The following SCRG1 variants were observed in gnomAD, a reference collection of about 807,000 sequenced individuals.
SCRG1 encodes the protein scrapie-responsive protein 1.
SCRG1 carries 3 observed loss-of-function variants against 7.7 expected under a neutral mutation model. That is an observed-to-expected ratio of 0.39 (90% CI 0.18 to 1.01). The LOEUF (loss-of-function observed/expected upper bound fraction) is 1.01. SCRG1 is among the 50% of genes least tolerant of loss of function. SCRG1 has a pLI of 0.36. For missense variants in SCRG1, 110 were observed against 117.2 expected (o/e 0.94, Z 0.28); for synonymous variants, 46 against 41.2 (o/e 1.12, Z -0.44).
chr4:173,467,024 T>G, the SCRG1 span, among the ~76,000 whole-genome samples: 1 of 152,232 alleles, frequency 6.6e-6, no homozygotes, highest in East Asian at 1.9e-4. Flanking sequence ...TCTTCCAAAT[T>G]TGGACCTAAT....
At chr4:173,398,962 T>C (rs1270351339) in intron 1 of SCRG1, 106 bp downstream of exon 1, 1 of 152,272 alleles carries the variant, frequency 6.6e-6, no homozygotes. Flanking sequence ...TCTCTGTCTT[T>C]CTCTTCTGAC....
At chr4:173,421,049 T>G in the SCRG1 span, among the ~76,000 whole-genome samples, 198 of 152,270 alleles carry the variant, frequency 1.3e-3, 2 homozygotes, top group Admixed American at 8.5e-3. Context: ...TGAGTGTGGT[T>G]TATTCTCTCT....
the SCRG1 span, among the ~76,000 whole-genome samples, chr4:173,497,834 C>G: frequency 6.6e-6 from 1 of 151,868 alleles, no homozygotes; most frequent in South Asian, 2.1e-4. Flanking sequence ...CCACGCCCGG[C>G]TAGTTTTCTT....
rs373201653 is a variant in SCRG1, at chr4:173,394,974, AT to A, written c.-14-3547del. Among the ~76,000 whole-genome samples, 205 of 152,312 alleles carry A rather than the reference AT, an allele frequency of 1.3e-3. 5 individuals carry two copies. The highest frequency in any genetic ancestry group is 4.8e-3 in the African/African-American group (200 of 41,572). On this transcript the variant is annotated intron_variant, in intron 1 of 2. Coordinates refer to ENST00000296506, the MANE Select transcript of SCRG1 (RefSeq NM_007281.4). ...TTGTTGCATTTAACAATAAAGATGTATAGAGTATTTCCTTATAATTAAAAAG... is the reference window on the plus strand; with the variant it reads ...TTGTTGCATTTAACAATAAAGATGTAAGAGTATTTCCTTATAATTAAAAAG...
the SCRG1 span, among the ~76,000 whole-genome samples, chr4:173,460,066 C>G: frequency 6.6e-6 from 1 of 152,216 alleles, no homozygotes; most frequent in Non-Finnish European, 1.5e-5. Context: ...CGCCACCGCC[C>G]TGCAAGGACA....
chr4:173,470,523 G>A, the SCRG1 span, among the ~76,000 whole-genome samples: 2 of 152,148 alleles, frequency 1.3e-5, no homozygotes, highest in Admixed American at 6.5e-5. Flanking sequence ...AAATAACGAA[G>A]ACCCAAATTG....
At position 173,397,197 on chromosome 4, in the gene SCRG1, C is replaced by T. The variant is rs1434532785; in HGVS notation, c.-15+1871G>A. ...GGAAAAATTTCTGACCCAGTGTGTTCCTGGGATACATTGGTTGTTGTTTCA... is the reference window on the plus strand; with the variant it reads ...GGAAAAATTTCTGACCCAGTGTGTTTCTGGGATACATTGGTTGTTGTTTCA... On this transcript the variant is annotated intron_variant, in intron 1 of 2. Coordinates refer to ENST00000296506, the MANE Select transcript of SCRG1 (RefSeq NM_007281.4). Among the ~76,000 whole-genome samples the T allele has an allele frequency of 3.3e-5, 5 of 152,266 alleles. No individual in the cohort carries two copies. In the South Asian group the frequency reaches 1.0e-3, roughly 32 times the overall value.
At chr4:173,484,943 T>A in the SCRG1 span, among the ~76,000 whole-genome samples, 105 of 45,738 alleles carry the variant, frequency 2.3e-3, 16 homozygotes, top group African/African-American at 7.9e-3. Context: ...ATATTATATA[T>A]TATATATAAT....
the SCRG1 span, chr4:173,446,823 T>TA: frequency 6.6e-6 from 1 of 152,230 alleles, no homozygotes; most frequent in Non-Finnish European, 1.5e-5. Context: ...TTATTTGTGT[T>TA]ATGAGCTTAA....
the SCRG1 span, among the ~76,000 whole-genome samples, chr4:173,499,996 C>T: frequency 6.6e-6 from 1 of 152,178 alleles, no homozygotes; most frequent in African/African-American, 2.4e-5. The surrounding 1 kb of genome is among the most constrained non-coding windows in gnomAD (Gnocchi z 4.1). Context: ...AACAATGAGA[C>T]GTAACGGGTG....
At chr4:173,507,157 T>G in the SCRG1 span, among the ~76,000 whole-genome samples, 6 of 152,188 alleles carry the variant, frequency 3.9e-5, no homozygotes, top group Non-Finnish European at 5.9e-5. This position sits in a 1 kb window ranked among gnomAD's most constrained non-coding sequence, Gnocchi z 4.4. Flanking sequence ...AAGGCCAGAC[T>G]CTACTCCTTG....
the SCRG1 span, among the ~76,000 whole-genome samples, chr4:173,436,883 C>T: frequency 8.5e-5 from 13 of 152,122 alleles, no homozygotes; most frequent in African/African-American, 3.1e-4. Context: ...CCCTGGTGTC[C>T]CAGGTGTGTT....
chr4:173,508,869 G>T, the SCRG1 span, among the ~76,000 whole-genome samples: 1 of 152,170 alleles, frequency 6.6e-6, no homozygotes, highest in Middle Eastern at 3.2e-3. This position sits in a 1 kb window ranked among gnomAD's most constrained non-coding sequence, Gnocchi z 4.4. Flanking sequence ...GATAAGTGCC[G>T]CTACATTTGT....
the SCRG1 span, among the ~76,000 whole-genome samples, chr4:173,459,798 TAC>T: frequency 6.6e-6 from 1 of 152,116 alleles, no homozygotes; most frequent in African/African-American, 2.4e-5. Flanking sequence ...GGTACGAAAG[TAC>T]AGTTAGGTGG....
the SCRG1 span, among the ~76,000 whole-genome samples, chr4:173,499,843 TACTG>T: frequency 6.6e-6 from 1 of 152,034 alleles, no homozygotes; most frequent in African/African-American, 2.4e-5. The surrounding 1 kb of genome is among the most constrained non-coding windows in gnomAD (Gnocchi z 4.1). Context: ...AGGAGAAAAA[TACTG>T]AGAAACATGT....
the SCRG1 span, among the ~76,000 whole-genome samples, chr4:173,489,786 C>T: frequency 9.9e-5 from 15 of 152,120 alleles, no homozygotes; most frequent in Non-Finnish European, 2.1e-4. Context: ...ATGTAATCCC[C>T]ACTTGAATGC....
At chr4:173,437,878 A>T in the SCRG1 span, among the ~76,000 whole-genome samples, 1 of 152,336 alleles carries the variant, frequency 6.6e-6, no homozygotes, top group Non-Finnish European at 1.5e-5. Context: ...CAGTGCCAAG[A>T]TGCACAAAGA....
the SCRG1 span, among the ~76,000 whole-genome samples, chr4:173,483,255 TGATA>T: frequency 1.5e-5 from 1 of 66,786 alleles, no homozygotes; most frequent in East Asian, 4.7e-4. Flanking sequence ...ATATCATATA[TGATA>T]TATCATATAT....
the SCRG1 span, among the ~76,000 whole-genome samples, chr4:173,473,049 A>G: frequency 6.6e-6 from 1 of 152,256 alleles, no homozygotes; most frequent in Admixed American, 6.5e-5. Flanking sequence ...CCATTGCAAC[A>G]TTATCTTCAA....
Sources: gnomAD v4.1 joint callset for allele counts (sites outside exome capture counted in the v4.1 genomes callset) on GRCh38, gnomAD v4.1.1 for gene constraint, Gnocchi (gnomAD v3.1) non-coding constraint, MANE v1.5 for transcripts, NCBI Gene and HGNC (gene_info 2026-07-23, HGNC 2026-07-21) for gene names.